STK32C: variants seen among roughly 807,000 people sequenced by gnomAD.
The protein encoded by STK32C is serine/threonine kinase 32C.
Under a neutral mutation model 56.5 loss-of-function variants are expected in STK32C, and 31 were observed. The ratio of observed to expected loss-of-function variants is 0.55; its 90% CI spans 0.41 to 0.74. The LOEUF (loss-of-function observed/expected upper bound fraction) is 0.74, where lower values mean the gene tolerates loss of function less well. STK32C is among the 30% of genes least tolerant of loss of function. The pLI, the probability that STK32C is intolerant of heterozygous loss-of-function variation, is 0.00. For synonymous variants in STK32C, 309 were observed against 289.4 expected, an observed-to-expected ratio of 1.07 and a Z score of -0.69; for missense variants, 544 against 676.9, an observed-to-expected ratio of 0.80 and a Z score of 2.18.
intron 1 of STK32C, among the ~76,000 whole-genome samples, chr10:132,329,825 C>A (rs953488828): frequency 5.3e-5 from 8 of 152,228 alleles, no homozygotes; most frequent in African/African-American, 1.9e-4. Context: ...GGTGAGAAGA[C>A]ACGGCCAGCG....
chr10:132,241,497 G>C (rs971977248), intron 2 of STK32C, among the ~76,000 whole-genome samples: 1 of 152,160 alleles, frequency 6.6e-6, no homozygotes, highest in African/African-American at 2.4e-5. Context: ...GCCTATTTGG[G>C]TAAAAGACAC....
rs760386922 is a variant in STK32C at position 132,225,517 on chromosome 10, T to C, written c.772+10A>G. 5.6e-6 allele frequency: 9 copies of C among 1,613,620 alleles called. No individual in the cohort carries two copies. In the East Asian group the frequency reaches 2.0e-4, roughly 36 times the overall value. ...GCCAGCTCCCATCTGGAACCCCAGC[T>C]CGGGCTCACCCATGTACGGCTTGGT... On this transcript the variant is annotated intron_variant, in intron 6 of 11. Transcript: ENST00000298630.
rs865840092 is a variant in STK32C at position 132,230,691 on chromosome 10, G to A, written c.319-2563C>T. Among the ~76,000 whole-genome samples the A allele has an allele frequency of 8.2e-4, 113 of 137,896 alleles. 1 individual carries two copies. Among genetic ancestry groups the A allele is most frequent in the African/African-American group, 2.7e-3 (97 of 36,046 alleles). The allele number at this position is 137,896 out of a possible 152,430, so 90.5% of individuals were successfully genotyped here. A position where few individuals can be genotyped will look rare whatever the true frequency, so the allele number is the denominator to read the frequency against. ...GGGGGGAAGCTGGCGGGGGGGGGGG[G>A]GCTGCAGAGCCCACCTCTGCCTGGA... On this transcript the variant is annotated intron_variant, in intron 2 of 11. Transcript: ENST00000298630.
intron 1 of STK32C, among the ~76,000 whole-genome samples, chr10:132,330,810 T>TA (rs1000045057): frequency 2.0e-5 from 3 of 151,070 alleles, no homozygotes; most frequent in African/African-American, 4.9e-5. Context: ...GTGTCCGGCC[T>TA]AAAAAACATT....
chr10:132,276,208 G>A (rs1441073872), intron 1 of STK32C, among the ~76,000 whole-genome samples: 2 of 152,178 alleles, frequency 1.3e-5, no homozygotes, highest in African/African-American at 2.4e-5. Context: ...CAGCATGACC[G>A]CAGCAGAAAA....
intron 10 of STK32C, among the ~76,000 whole-genome samples, chr10:132,215,389 G>A (rs1276823957): frequency 1.3e-5 from 2 of 152,102 alleles, no homozygotes; most frequent in African/African-American, 2.4e-5. Context: ...CACAATTCCC[G>A]TGTGTCATGG....
At chr10:132,235,844 C>T (rs1309203427) in intron 2 of STK32C, among the ~76,000 whole-genome samples, 2 of 152,288 alleles carry the variant, frequency 1.3e-5, no homozygotes, top group East Asian at 1.9e-4. Flanking sequence ...TCGTAAAGAC[C>T]GTTGTTTCAG....
intron 1 of STK32C, among the ~76,000 whole-genome samples, chr10:132,283,146 C>T (rs996559877): frequency 5.3e-5 from 8 of 152,230 alleles, no homozygotes; most frequent in African/African-American, 7.2e-5. Context: ...AAGACCCAGC[C>T]GGGAGGCCGG....
chr10:132,259,565 G>A (rs2064237931), intron 1 of STK32C, among the ~76,000 whole-genome samples: 1 of 152,154 alleles, frequency 6.6e-6, no homozygotes, highest in Non-Finnish European at 1.5e-5. Flanking sequence ...GAAAGTGTGT[G>A]TCACTTCCCC....
intron 4 of STK32C, 36 bp from the exon 5 acceptor site, chr10:132,225,820 ATCTGCCCTGTT>A (rs1209097327): frequency 4.3e-6 from 7 of 1,613,296 alleles, no homozygotes; most frequent in Non-Finnish European, 5.9e-6. Flanking sequence ...TGAGTTGGGA[ATCTGCCCTGTT>A]TCTGCCCTGG....
chr10:132,226,722 C>G, intron 4 of STK32C, 73 bp downstream of exon 4: 1 of 1,555,322 alleles, frequency 6.4e-7, no homozygotes, highest in Non-Finnish European at 8.7e-7. Context: ...GCCGCCGTGC[C>G]GGCAGCCTGA....
downstream of STK32C, among the ~76,000 whole-genome samples, chr10:132,323,334 C>T (rs2066443674): frequency 6.6e-6 from 1 of 152,184 alleles, no homozygotes; most frequent in Admixed American, 6.5e-5. This position sits in a 1 kb window ranked among gnomAD's most constrained non-coding sequence, Gnocchi z 4.8. Flanking sequence ...GGTCACCCAT[C>T]CTTGATATCT....
chr10:132,219,718 G>A (rs1180215747), intron 10 of STK32C, among the ~76,000 whole-genome samples: 3 of 152,150 alleles, frequency 2.0e-5, no homozygotes, highest in Non-Finnish European at 4.4e-5. Flanking sequence ...GAGGAGGGGC[G>A]AGGATGGGAG....
chr10:132,297,820 C>T (rs2065800878), intron 1 of STK32C, among the ~76,000 whole-genome samples: 1 of 152,256 alleles, frequency 6.6e-6, no homozygotes, highest in South Asian at 2.1e-4. Flanking sequence ...GCACACCCGC[C>T]TGGTCTCTGG....
upstream of STK32C, chr10:132,307,959 G>C: frequency 9.8e-7 from 1 of 1,019,918 alleles, no homozygotes; most frequent in South Asian, 3.3e-5. The surrounding 1 kb of genome is among the most constrained non-coding windows in gnomAD (Gnocchi z 4.4). Context: ...CTGGGCGGTG[G>C]AACCCGCCCC....
chr10:132,256,312 A>T lies in STK32C; in HGVS notation c.263-10357T>A, dbSNP rs72856752. ...CCCTGTTGGCGGCAGCATTCTTGCC[A>T]TCTCCCTCCCCCACCTTAATTGCAG... On this transcript the variant is annotated intron_variant, in intron 1 of 11. Coordinates refer to ENST00000298630, the MANE Select transcript of STK32C (RefSeq NM_173575.4). 8.4e-3 allele frequency among the ~76,000 whole-genome samples: 1,271 copies of T among 152,158 alleles called. 10 individuals are homozygous for T. The highest frequency in any genetic ancestry group is 0.022 in the South Asian group (105 of 4,820).
At chr10:132,232,781 G>A (rs1200962322) in intron 2 of STK32C, among the ~76,000 whole-genome samples, 1 of 151,558 alleles carries the variant, frequency 6.6e-6, no homozygotes, top group Non-Finnish European at 1.5e-5. Flanking sequence ...CTGACGGGGA[G>A]GCCACAGCGC....
Position 132,278,002 on chromosome 10 carries a change from G to T in STK32C, c.262+29570C>A, listed in dbSNP as rs114968269. On this transcript the variant is annotated intron_variant, in intron 1 of 11. Coordinates refer to ENST00000298630, the MANE Select transcript of STK32C (RefSeq NM_173575.4). ...GGCAGCAGTGGCAAAGCAAGGCTTC[G>T]GAGTTCCTCCCCAGTTCCCTCCAGG... Among the ~76,000 whole-genome samples the T allele has an allele frequency of 4.4e-3, 664 of 152,290 alleles. 10 individuals are homozygous for T. Among genetic ancestry groups the T allele is most frequent in the African/African-American group, 0.015 (625 of 41,574 alleles).
At chr10:132,282,814 C>G (rs1337001992) in intron 1 of STK32C, among the ~76,000 whole-genome samples, 2 of 152,242 alleles carry the variant, frequency 1.3e-5, no homozygotes, top group African/African-American at 4.8e-5. Context: ...CTGCTGCACC[C>G]TATTAGCTGC....
Sources: gnomAD v4.1 joint callset for allele counts (sites outside exome capture counted in the v4.1 genomes callset) on GRCh38, gnomAD v4.1.1 for gene constraint, Gnocchi (gnomAD v3.1) non-coding constraint, MANE v1.5 for transcripts, NCBI Gene and HGNC (gene_info 2026-07-23, HGNC 2026-07-21) for gene names.